KCNJ6: variants seen among roughly 807,000 people sequenced by gnomAD.
The protein encoded by KCNJ6 is potassium inwardly rectifying channel subfamily J member 6.
KCNJ6 carries 9 observed loss-of-function variants against 34.2 expected under a neutral mutation model. That is an observed-to-expected ratio of 0.26 (90% CI 0.16 to 0.46). The LOEUF (loss-of-function observed/expected upper bound fraction) is 0.46. KCNJ6 is among the 20% of genes least tolerant of loss of function. The probability of loss-of-function intolerance (pLI) is 1.00; values close to 1 mark genes in which losing one functional copy is unlikely to be tolerated. For synonymous variants in KCNJ6, 196 were observed against 207.1 expected, an observed-to-expected ratio of 0.95 and a Z score of 0.46; for missense variants, 236 against 531.3, an observed-to-expected ratio of 0.44 and a Z score of 5.46.
chr21:37,643,065 G>C (rs542879800), intron 3 of KCNJ6, among the ~76,000 whole-genome samples: 14 of 152,140 alleles, frequency 9.2e-5, no homozygotes, highest in Admixed American at 2.6e-4. Flanking sequence ...TATGGGTGGT[G>C]GGGGGGACAG....
chr21:37,765,717 T>C (rs1270697845), intron 2 of KCNJ6, among the ~76,000 whole-genome samples: 1 of 152,232 alleles, frequency 6.6e-6, no homozygotes, highest in African/African-American at 2.4e-5. Context: ...TTGAAAGCTA[T>C]TATATGATTC....
intron 2 of KCNJ6, among the ~76,000 whole-genome samples, chr21:37,735,922 A>G (rs1601445416): frequency 6.6e-6 from 1 of 152,206 alleles, no homozygotes; most frequent in Admixed American, 6.5e-5. Flanking sequence ...ATGGAGCCCC[A>G]TCTATGGGAT....
intron 2 of KCNJ6, among the ~76,000 whole-genome samples, chr21:37,733,249 C>T (rs1485260100): frequency 6.6e-6 from 1 of 152,128 alleles, no homozygotes; most frequent in Non-Finnish European, 1.5e-5. Context: ...AAATTCCTGG[C>T]GATACTTGAG....
chr21:37,697,194 T>C (rs143894422), intron 3 of KCNJ6, among the ~76,000 whole-genome samples: 1 of 152,226 alleles, frequency 6.6e-6, no homozygotes, highest in East Asian at 1.9e-4. Flanking sequence ...AGAAATGTCA[T>C]TGACATGGGG....
intron 1 of KCNJ6, among the ~76,000 whole-genome samples, chr21:37,881,470 G>GGAGAGAGAGAGA (rs10550872): frequency 6.7e-6 from 1 of 149,110 alleles, no homozygotes; most frequent in African/African-American, 2.5e-5. Flanking sequence ...CTCTCTGCAT[G>GGAGAGAGAGAGA]GAGAGAGAGA....
chr21:37,696,530 G>A (rs917392497), intron 3 of KCNJ6, among the ~76,000 whole-genome samples: 3 of 152,048 alleles, frequency 2.0e-5, no homozygotes, highest in African/African-American at 7.2e-5. Flanking sequence ...TGAAAGATAA[G>A]GAAAGACAGA....
chr21:37,685,925 C>A (rs2054613219), intron 3 of KCNJ6, among the ~76,000 whole-genome samples: 1 of 151,906 alleles, frequency 6.6e-6, no homozygotes, highest in Non-Finnish European at 1.5e-5. Context: ...TATACAAAAT[C>A]ATCCACTTCC....
At chr21:37,734,567 T>C (rs2054903226) in intron 2 of KCNJ6, among the ~76,000 whole-genome samples, 1 of 152,176 alleles carries the variant, frequency 6.6e-6, no homozygotes, top group South Asian at 2.1e-4. Context: ...CTATCACCTG[T>C]TGACCAGCTC....
At chr21:37,812,217 G>C (rs1194908405) in intron 2 of KCNJ6, among the ~76,000 whole-genome samples, 1 of 152,090 alleles carries the variant, frequency 6.6e-6, no homozygotes, top group Admixed American at 6.5e-5. Context: ...ACTCCTCTTG[G>C]CTAAAATCAC....
intron 3 of KCNJ6, among the ~76,000 whole-genome samples, chr21:37,706,245 G>C (rs569837702): frequency 1.7e-3 from 261 of 152,292 alleles, no homozygotes; most frequent in African/African-American, 5.9e-3. Flanking sequence ...TGGTGAACAC[G>C]CTAATGACAC....
chr21:37,634,300 C>T (rs2078023), intron 3 of KCNJ6, among the ~76,000 whole-genome samples: 24,562 of 151,922 alleles, frequency 0.16, 2,463 homozygotes, highest in East Asian at 0.36. Context: ...CCTCCATCCC[C>T]TCTCTCTCTT....
rs74404027 is a variant in KCNJ6, at chr21:37,685,127, G to T, written c.946+29084C>A. Reference sequence around the variant, plus strand: ...TCAATTAGGAAATGGGCAAAGAGAAGAAAAGGAAACACCAGTAAATATATT... The same window carrying T: ...TCAATTAGGAAATGGGCAAAGAGAATAAAAGGAAACACCAGTAAATATATT... On this transcript the variant is annotated intron_variant, in intron 3 of 3. Coordinates refer to ENST00000609713, the MANE Select transcript of KCNJ6 (RefSeq NM_002240.5). Among the ~76,000 whole-genome samples the T allele has an allele frequency of 6.6e-3, 1,010 of 152,170 alleles. 12 individuals are homozygous for T. The highest frequency in any genetic ancestry group is 0.023 in the African/African-American group (955 of 41,530).
At chr21:37,680,033 G>C (rs1601416317) in intron 3 of KCNJ6, among the ~76,000 whole-genome samples, 2 of 152,282 alleles carry the variant, frequency 1.3e-5, no homozygotes, top group African/African-American at 4.8e-5. Flanking sequence ...ATATTTGTAT[G>C]TATATCAATG....
intron 1 of KCNJ6, among the ~76,000 whole-genome samples, chr21:37,903,526 G>A (rs1311206857): frequency 6.6e-6 from 1 of 152,100 alleles, no homozygotes; most frequent in Admixed American, 6.6e-5. Flanking sequence ...GAATCTTAGG[G>A]TGCTTTAAGG....
chr21:37,869,438 C>T (rs1047296218), intron 1 of KCNJ6, among the ~76,000 whole-genome samples: 2 of 152,236 alleles, frequency 1.3e-5, no homozygotes, highest in African/African-American at 2.4e-5. Context: ...AAATGTACAA[C>T]CATTTTCCTA....
At position 37,903,145 on chromosome 21, in the gene KCNJ6, T is replaced by C. The variant is rs8129604; in HGVS notation, c.-28+12739A>G. Among the ~76,000 whole-genome samples the C allele has an allele frequency of 5.6e-3, 853 of 152,328 alleles. 10 individuals are homozygous for C. The highest frequency in any genetic ancestry group is 0.019 in the African/African-American group (798 of 41,564). On this transcript the variant is annotated intron_variant, in intron 1 of 3. Coordinates refer to ENST00000609713, the MANE Select transcript of KCNJ6 (RefSeq NM_002240.5). The stretch of plus-strand genomic sequence containing the variant: ...ACCCCTCTTGCCTTTTCTCATGATA[T>C]GATTTGGCTGTATCCCCACCCAAAT...
At chr21:37,762,647 G>A (rs548321059) in intron 2 of KCNJ6, among the ~76,000 whole-genome samples, 67 of 152,240 alleles carry the variant, frequency 4.4e-4, no homozygotes, top group African/African-American at 1.3e-3. Context: ...GAGGACATTC[G>A]AGTGGGCTCA....
chr21:37,844,064 A>ATT (rs3061052), intron 1 of KCNJ6, among the ~76,000 whole-genome samples: 39,259 of 143,424 alleles, frequency 0.27, 6,029 homozygotes, highest in South Asian at 0.39. Flanking sequence ...GATATTTTGC[A>ATT]TTTTTTTTTT....
At chr21:37,904,516 T>C (rs2055832017) in intron 1 of KCNJ6, among the ~76,000 whole-genome samples, 2 of 152,228 alleles carry the variant, frequency 1.3e-5, no homozygotes, top group Admixed American at 6.5e-5. Flanking sequence ...TTAGAAGTTC[T>C]ATACTGACCC....
Sources: gnomAD v4.1 joint callset for allele counts (sites outside exome capture counted in the v4.1 genomes callset) on GRCh38, gnomAD v4.1.1 for gene constraint, MANE v1.5 for transcripts, NCBI Gene and HGNC (gene_info 2026-07-23, HGNC 2026-07-21) for gene names.